UTRN: variants seen among roughly 807,000 people sequenced by gnomAD.
The protein encoded by UTRN is dystrophin-related protein 1.
A neutral mutation model predicts 463.9 loss-of-function variants in UTRN; 283 were observed. The observed-to-expected ratio is 0.61, with a 90% confidence interval of 0.55 to 0.67. The LOEUF (loss-of-function observed/expected upper bound fraction) is 0.67, where lower values mean the gene tolerates loss of function less well. Ranked by LOEUF, UTRN falls within the 30% of genes least tolerant of loss-of-function variation. The probability of loss-of-function intolerance (pLI) is 0.00; values close to 1 mark genes in which losing one functional copy is unlikely to be tolerated. For missense variants in UTRN, 3,922 were observed against 4,084.3 expected (o/e 0.96, Z 1.08); for synonymous variants, 1,442 against 1,431.5 (o/e 1.01, Z -0.17).
intron 56 of UTRN, among the ~76,000 whole-genome samples, chr6:144,753,610 C>A (rs560329752): frequency 5.6e-4 from 85 of 151,818 alleles, no homozygotes; most frequent in African/African-American, 1.8e-3. Context: ...CAGAGTGAGA[C>A]CCTGTCTTTA....
intron 52 of UTRN, among the ~76,000 whole-genome samples, chr6:144,692,838 A>G (rs1783576334): frequency 6.6e-6 from 1 of 151,780 alleles, no homozygotes; most frequent in South Asian, 2.1e-4. Context: ...CCCATTCTGT[A>G]TGTTTACTCT....
intron 53 of UTRN, among the ~76,000 whole-genome samples, chr6:144,712,893 A>C (rs933008195): frequency 6.6e-6 from 1 of 152,220 alleles, no homozygotes; most frequent in African/African-American, 2.4e-5. Flanking sequence ...AAAATCCTCC[A>C]AATTAGCCAT....
At chr6:144,413,612 G>A (rs1280702532) in intron 3 of UTRN, among the ~76,000 whole-genome samples, 2 of 152,096 alleles carry the variant, frequency 1.3e-5, no homozygotes, top group Admixed American at 6.5e-5. Flanking sequence ...GCTACAATTC[G>A]AGAGTTGGGT....
intron 65 of UTRN, among the ~76,000 whole-genome samples, chr6:144,805,697 GT>G (rs1377078000): frequency 6.6e-6 from 1 of 152,118 alleles, no homozygotes; most frequent in East Asian, 1.9e-4. Context: ...AGTAAATGAA[GT>G]TCAAAGCCCT....
chr6:144,542,994 C>A, intron 46 of UTRN, 124 bp downstream of exon 46: 1 of 788,876 alleles, frequency 1.3e-6, no homozygotes, highest in Non-Finnish European at 2.0e-6. Flanking sequence ...ATTTAATCTA[C>A]TTTCAATGAT....
At chr6:144,543,709 G>T (rs1213642902) in intron 46 of UTRN, among the ~76,000 whole-genome samples, 1 of 151,142 alleles carries the variant, frequency 6.6e-6, no homozygotes, top group Non-Finnish European at 1.5e-5. Context: ...TTTTTTTTGG[G>T]AGGGTTCTTT....
At chr6:144,687,066 T>G (rs1167695870) in intron 52 of UTRN, among the ~76,000 whole-genome samples, 1 of 152,128 alleles carries the variant, frequency 6.6e-6, no homozygotes, top group Non-Finnish European at 1.5e-5. Flanking sequence ...ATTTCTTGTG[T>G]GGCTGGTCTT....
chr6:144,390,412 T>G (rs1271550923), intron 2 of UTRN, among the ~76,000 whole-genome samples: 1 of 152,206 alleles, frequency 6.6e-6, no homozygotes, highest in African/African-American at 2.4e-5. Flanking sequence ...ATTTTTCATG[T>G]TAATCTCACT....
chr6:144,380,801 GA>G (rs201185517), intron 2 of UTRN, among the ~76,000 whole-genome samples: 1,873 of 150,608 alleles, frequency 0.012, 29 homozygotes, highest in African/African-American at 0.043. Flanking sequence ...CCTCAAAAAA[GA>G]AAAAAAAACT....
intron 58 of UTRN, among the ~76,000 whole-genome samples, chr6:144,763,936 T>G (rs1792986692): frequency 6.6e-6 from 1 of 152,202 alleles, no homozygotes; most frequent in African/African-American, 2.4e-5. Flanking sequence ...TTCCAGTTTT[T>G]TAAGTAAAGA....
At chr6:144,368,322 G>A (rs1349346817) in intron 2 of UTRN, among the ~76,000 whole-genome samples, 5 of 152,134 alleles carry the variant, frequency 3.3e-5, no homozygotes, top group Admixed American at 6.5e-5. Context: ...GACATTAAAG[G>A]AATAACAAGC....
chr6:144,599,568 C>T (rs906906860), intron 51 of UTRN, among the ~76,000 whole-genome samples: 1 of 151,970 alleles, frequency 6.6e-6, no homozygotes, highest in African/African-American at 2.4e-5. Context: ...TATGCATATA[C>T]AGCAAATCAC....
At chr6:144,611,842 A>G (rs1805561807) in intron 51 of UTRN, among the ~76,000 whole-genome samples, 1 of 152,198 alleles carries the variant, frequency 6.6e-6, no homozygotes, top group Admixed American at 6.5e-5. Context: ...TTTTACAGAA[A>G]TAGAAAATAA....
chr6:144,630,110 C>T (rs912283081), intron 51 of UTRN, among the ~76,000 whole-genome samples: 13 of 152,128 alleles, frequency 8.5e-5, no homozygotes, highest in African/African-American at 3.1e-4. Flanking sequence ...ATGGCATGAA[C>T]CCAGGAGGCG....
intron 51 of UTRN, among the ~76,000 whole-genome samples, chr6:144,603,071 C>T (rs1291983446): frequency 6.6e-6 from 1 of 151,954 alleles, no homozygotes; most frequent in Non-Finnish European, 1.5e-5. Context: ...TTATAGAATT[C>T]CTTTTGTTTT....
intron 2 of UTRN, among the ~76,000 whole-genome samples, chr6:144,364,055 T>G (rs1779300485): frequency 2.0e-5 from 3 of 152,166 alleles, no homozygotes; most frequent in Admixed American, 2.0e-4. Context: ...TGTAGTACCT[T>G]GAGAGAATGC....
At chr6:144,484,370 T>C (rs995028034) in intron 27 of UTRN, among the ~76,000 whole-genome samples, 9 of 151,674 alleles carry the variant, frequency 5.9e-5, no homozygotes, top group Non-Finnish European at 1.0e-4. Context: ...CAATTTTCTA[T>C]GAAATTATTT....
chr6:144,343,622 G>A (rs1232465236), intron 2 of UTRN, among the ~76,000 whole-genome samples: 1 of 152,074 alleles, frequency 6.6e-6, no homozygotes, highest in African/African-American at 2.4e-5. Flanking sequence ...TCTAAATGGT[G>A]GCCTCTTCTC....
At chr6:144,540,048 A>C (rs1300620440) in intron 45 of UTRN, among the ~76,000 whole-genome samples, 1 of 151,518 alleles carries the variant, frequency 6.6e-6, no homozygotes, top group Non-Finnish European at 1.5e-5. Context: ...GTCTCAAAAA[A>C]AAAAAAAAGA....
Sources: gnomAD v4.1 joint callset for allele counts (sites outside exome capture counted in the v4.1 genomes callset) on GRCh38, gnomAD v4.1.1 for gene constraint, MANE v1.5 for transcripts, NCBI Gene and HGNC (gene_info 2026-07-23, HGNC 2026-07-21) for gene names.